INSC: variants seen among roughly 807,000 people sequenced by gnomAD.
INSC encodes INSC spindle orientation adaptor protein.
Under a neutral mutation model 58.6 loss-of-function variants are expected in INSC, and 67 were observed. That is an observed-to-expected ratio of 1.14 (90% confidence interval 0.94 to 1.40). The LOEUF (loss-of-function observed/expected upper bound fraction) is 1.40. Ranked by LOEUF, INSC falls within the 40% of genes most tolerant of loss-of-function variation. The probability of loss-of-function intolerance (pLI) is 0.00; values close to 1 mark genes in which losing one functional copy is unlikely to be tolerated. For synonymous variants in INSC, 262 were observed against 276.1 expected (o/e 0.95, Z 0.51); for missense variants, 714 against 692.0 (o/e 1.03, Z -0.36).
intron 3 of INSC, among the ~76,000 whole-genome samples, chr11:15,176,347 T>C (rs1849576399): frequency 6.6e-6 from 1 of 152,140 alleles, no homozygotes; most frequent in Admixed American, 6.5e-5. Context: ...TGAGAAGCTG[T>C]GCAGTGGTTG....
intron 1 of INSC, among the ~76,000 whole-genome samples, chr11:15,134,544 G>A (rs568663077): frequency 6.8e-4 from 104 of 152,244 alleles, no homozygotes; most frequent in African/African-American, 2.4e-3. Context: ...TATTGTGCAC[G>A]AGTTTACTTC....
At chr11:15,236,606 C>T (rs1852141304) in intron 10 of INSC, among the ~76,000 whole-genome samples, 2 of 152,164 alleles carry the variant, frequency 1.3e-5, no homozygotes, top group East Asian at 3.9e-4. Flanking sequence ...GGCCTGGAAG[C>T]TGATCTAAGC....
intron 7 of INSC, among the ~76,000 whole-genome samples, chr11:15,207,406 G>A (rs1383686006): frequency 6.6e-6 from 1 of 152,206 alleles, no homozygotes; most frequent in African/African-American, 2.4e-5. Context: ...TGAGGGGAGA[G>A]CGGGGAGGAC....
At chr11:15,199,197 C>T (rs1850484166) in intron 6 of INSC, among the ~76,000 whole-genome samples, 1 of 152,192 alleles carries the variant, frequency 6.6e-6, no homozygotes, top group Non-Finnish European at 1.5e-5. Flanking sequence ...AAACCATTAA[C>T]ATTTTTGAAT....
At chr11:15,171,142 T>C (rs1476140558) in intron 2 of INSC, among the ~76,000 whole-genome samples, 3 of 152,166 alleles carry the variant, frequency 2.0e-5, no homozygotes, top group Non-Finnish European at 2.9e-5. Flanking sequence ...ACCTCTACCA[T>C]GGCTGTGGGG....
At chr11:15,146,749 T>G (rs1387849688) in intron 1 of INSC, among the ~76,000 whole-genome samples, 2 of 152,212 alleles carry the variant, frequency 1.3e-5, no homozygotes, top group East Asian at 3.8e-4. Flanking sequence ...TGATCCAGAA[T>G]AGGCTATTGA....
chr11:15,167,678 A>G (rs1186385254), intron 2 of INSC, among the ~76,000 whole-genome samples: 1 of 151,888 alleles, frequency 6.6e-6, no homozygotes, highest in East Asian at 1.9e-4. Flanking sequence ...AGATGGGGGT[A>G]TCGCTATGTT....
intron 1 of INSC, among the ~76,000 whole-genome samples, chr11:15,122,135 T>A (rs907836739): frequency 6.6e-6 from 1 of 152,222 alleles, no homozygotes; most frequent in Admixed American, 6.5e-5. Context: ...CATATATGTA[T>A]ATTTATTTCT....
At chr11:15,228,922 C>T (rs1792567) in intron 9 of INSC, among the ~76,000 whole-genome samples, 85,447 of 152,022 alleles carry the variant, frequency 0.56, 25,168 homozygotes, top group East Asian at 0.89. Flanking sequence ...GAAGGTGGCA[C>T]GGGCTGCAGC....
At chr11:15,150,464 C>G (rs1263517812) in intron 2 of INSC, among the ~76,000 whole-genome samples, 4 of 152,200 alleles carry the variant, frequency 2.6e-5, no homozygotes, top group Non-Finnish European at 5.9e-5. Context: ...AACTGAATTT[C>G]ATTTTGCAGT....
At chr11:15,113,079 C>T (rs1564851581), upstream of INSC, among the ~76,000 whole-genome samples, 1 of 146,660 alleles carries the variant, frequency 6.8e-6, no homozygotes, top group East Asian at 2.0e-4. Context: ...TCCCTCCCTT[C>T]CTTTCTTCCT....
chr11:15,116,087 C>T (rs535802373), intron 1 of INSC, among the ~76,000 whole-genome samples: 1 of 152,238 alleles, frequency 6.6e-6, no homozygotes, highest in Admixed American at 6.5e-5. Flanking sequence ...TGAGGCTGTC[C>T]ATGGAGCTCA....
intron 1 of INSC, among the ~76,000 whole-genome samples, chr11:15,125,380 GA>G (rs1206711736): frequency 2.6e-5 from 4 of 152,190 alleles, no homozygotes; most frequent in Non-Finnish European, 5.9e-5. Flanking sequence ...CTTTTAATAT[GA>G]GTGGTATAGT....
In INSC at chr11:15,149,208, T is replaced by TCCGTCA. The variant is rs1471270488; in HGVS notation, c.37_42dup (p.Val13_Thr14dup). 1.9e-6 allele frequency: 3 copies of TCCGTCA among 1,608,916 alleles called. No individual in the cohort carries two copies. The highest frequency in any genetic ancestry group is 2.5e-6 in the Non-Finnish European group (3 of 1,177,880). ...ACTGCCTGGAGGTCGCCACCTGGAC[T>TCCGTCA]CCGTCACCCTGCCGGGTCAGCGGTA... On this transcript the variant is annotated inframe_insertion, in exon 2 of 13. Transcript: ENST00000379556.
At chr11:15,214,267 C>T (rs1034954613) in intron 7 of INSC, among the ~76,000 whole-genome samples, 4 of 152,166 alleles carry the variant, frequency 2.6e-5, no homozygotes, top group African/African-American at 9.7e-5. Flanking sequence ...CATGTATTTT[C>T]CTGCAGCCTT....
chr11:15,160,736 A>C (rs1848988954), intron 2 of INSC, among the ~76,000 whole-genome samples: 1 of 152,244 alleles, frequency 6.6e-6, no homozygotes, highest in Non-Finnish European at 1.5e-5. Context: ...AGATGTACAC[A>C]TTGGCTCATA....
chr11:15,214,325 G>A (rs1851134439), intron 7 of INSC, among the ~76,000 whole-genome samples: 1 of 152,158 alleles, frequency 6.6e-6, no homozygotes. Flanking sequence ...AGCATCTCTA[G>A]GTCACTCTCC....
intron 10 of INSC, 142 bp downstream of exon 10, chr11:15,235,810 C>A (rs551514982): frequency 2.6e-6 from 2 of 775,908 alleles, no homozygotes; most frequent in African/African-American, 1.7e-5. Flanking sequence ...AATCCCAGCA[C>A]TTTGGGAAGC....
At chr11:15,156,752 G>T (rs1216733225) in intron 2 of INSC, among the ~76,000 whole-genome samples, 3 of 152,144 alleles carry the variant, frequency 2.0e-5, no homozygotes, top group African/African-American at 4.8e-5. Context: ...GAAGGTTCTT[G>T]GTACATCGAA....
Sources: allele counts gnomAD v4.1 joint callset (sites outside exome capture counted in the v4.1 genomes callset), GRCh38; gene constraint gnomAD v4.1.1; transcripts MANE v1.5; gene names NCBI Gene and HGNC (gene_info 2026-07-23, HGNC 2026-07-21).